The following FBN2 variants were observed in gnomAD, a reference collection of about 807,000 sequenced individuals.
FBN2 encodes fibrillin 2, also known as fibrillin-2.
Under a neutral mutation model 355.6 loss-of-function variants are expected in FBN2, and 105 were observed. The ratio of observed to expected loss-of-function variants is 0.30; its 90% confidence interval spans 0.25 to 0.35. The LOEUF (loss-of-function observed/expected upper bound fraction) is 0.35, where lower values mean the gene tolerates loss of function less well. Among genes scored for constraint, FBN2 ranks in the 10% least tolerant of loss-of-function variants. FBN2 has a pLI of 1.00. For synonymous variants in FBN2, 1,350 were observed against 1,301.2 expected, an observed-to-expected ratio of 1.04 and a Z score of -0.81; for missense variants, 3,280 against 3,758.7, an observed-to-expected ratio of 0.87 and a Z score of 3.33.
intron 55 of FBN2, among the ~76,000 whole-genome samples, chr5:128,282,530 T>C (rs1748991820): frequency 1.3e-5 from 2 of 152,150 alleles, no homozygotes; most frequent in Admixed American, 1.3e-4. Context: ...CTTCCAAGTT[T>C]GATTATGTAT....
chr5:128,500,999 A>G (rs530580787), intron 5 of FBN2, among the ~76,000 whole-genome samples: 3 of 152,224 alleles, frequency 2.0e-5, no homozygotes, highest in African/African-American at 4.8e-5. Context: ...CACAAAGAAC[A>G]TAAGAACAAA....
At chr5:128,355,371 C>T (rs1031859170) in intron 20 of FBN2, among the ~76,000 whole-genome samples, 3 of 152,174 alleles carry the variant, frequency 2.0e-5, no homozygotes, top group African/African-American at 7.2e-5. Flanking sequence ...ATGCATTGTT[C>T]TATTACATTT....
At chr5:128,405,546 T>C (rs1365402065) in intron 8 of FBN2, among the ~76,000 whole-genome samples, 2 of 152,230 alleles carry the variant, frequency 1.3e-5, no homozygotes, top group African/African-American at 4.8e-5. Flanking sequence ...GTTGGTCTTA[T>C]CTGAATAAAA....
In FBN2 at chr5:128,304,978, G is replaced by C; in HGVS notation, c.5779C>G (p.Gln1927Glu). The stretch of plus-strand genomic sequence containing the variant: ...TTACCCATGCACATGGTCTGGTCCT[G>C]AGAAGCCTTAAAGCCATTGTGGCAG... ...CICHNGFKAS[Q>E]DQTMCMDVDE... is the part of the protein sequence containing the mutation. Residue 1927 changes from glutamine (Q) to glutamate (E), a missense_variant, in exon 45 of 65, where the codon CAG becomes GAG. Transcript: ENST00000262464. The C allele has an allele frequency of 6.2e-7, 1 of 1,613,982 alleles. No homozygotes were observed. Among genetic ancestry groups the C allele is most frequent in the Non-Finnish European group, 8.5e-7 (1 of 1,179,976 alleles).
chr5:128,346,539 AT>A (rs1225727771), intron 23 of FBN2, among the ~76,000 whole-genome samples: 1 of 152,250 alleles, frequency 6.6e-6, no homozygotes, highest in Non-Finnish European at 1.5e-5. Context: ...GTCAATATTG[AT>A]TCTTTCAAGT....
At chr5:128,374,897 C>T (rs1752042850) in intron 14 of FBN2, 147 bp from the exon 15 acceptor site, 1 of 807,794 alleles carries the variant, frequency 1.2e-6, no homozygotes, top group African/African-American at 1.7e-5. Context: ...TAACAGGTAT[C>T]ATATACAAAT....
chr5:128,377,154 G>A (rs183693675), intron 13 of FBN2, among the ~76,000 whole-genome samples: 2 of 152,242 alleles, frequency 1.3e-5, no homozygotes, highest in Admixed American at 6.5e-5. Context: ...ATTTCAATGA[G>A]TGTTTATTTT....
In FBN2 at chr5:128,395,193, T is replaced by C. The variant is rs767882175; in HGVS notation, c.1160A>G (p.Gln387Arg). 7 of 1,614,022 alleles carry C rather than the reference T, an allele frequency of 4.3e-6. No individual in the cohort carries two copies. The Admixed American group carries it at 8.3e-5, about 19-fold the overall frequency. The change falls in exon 9 of 65, where the codon CAG becomes CGG. Residue 387 changes from glutamine to arginine, a missense_variant. Coordinates refer to ENST00000262464, the MANE Select transcript of FBN2 (RefSeq NM_001999.4). ...QELPGRMTKMQCCCEPGRCWG... is the reference protein window; with the variant it reads ...QELPGRMTKMRCCCEPGRCWG... ...GCAGCGGCCAGGCTCACAGCAGCAC[T>C]GCATTTTCGTCATTCTCCCCGGGAG...
intron 5 of FBN2, among the ~76,000 whole-genome samples, chr5:128,488,451 T>C (rs1755402230): frequency 6.6e-6 from 1 of 152,132 alleles, no homozygotes; most frequent in Non-Finnish European, 1.5e-5. Context: ...TAAGGCAAAA[T>C]GCCAGTTCTT....
intron 11 of FBN2, among the ~76,000 whole-genome samples, chr5:128,387,571 T>C (rs1752400219): frequency 6.6e-6 from 1 of 152,142 alleles, no homozygotes; most frequent in Admixed American, 6.5e-5. Context: ...TTGAGACCTT[T>C]CTAACTTTTT....
intron 64 of FBN2, among the ~76,000 whole-genome samples, chr5:128,261,441 T>C (rs898577904): frequency 3.2e-4 from 49 of 152,242 alleles, no homozygotes; most frequent in Non-Finnish European, 3.1e-4. Flanking sequence ...TTTTGAATCA[T>C]GTAAAAATAG....
chr5:128,445,923 G>A (rs1228643841), intron 7 of FBN2, among the ~76,000 whole-genome samples: 1 of 152,006 alleles, frequency 6.6e-6, no homozygotes, highest in African/African-American at 2.4e-5. Flanking sequence ...TTGCAGAAAA[G>A]TATTAGGTTT....
chr5:128,441,376 A>G (rs1486726777), intron 7 of FBN2, among the ~76,000 whole-genome samples: 1 of 152,164 alleles, frequency 6.6e-6, no homozygotes. Flanking sequence ...TGTTTGCTCA[A>G]TAGCACTGGC....
chr5:128,471,106 C>T (rs945881058), intron 5 of FBN2, among the ~76,000 whole-genome samples: 1 of 152,036 alleles, frequency 6.6e-6, no homozygotes, highest in African/African-American at 2.4e-5. Context: ...ATAAAGTGAT[C>T]ATCTTGTATG....
At chr5:128,500,099 C>T (rs749791639) in intron 5 of FBN2, among the ~76,000 whole-genome samples, 23 of 152,118 alleles carry the variant, frequency 1.5e-4, no homozygotes, top group Admixed American at 3.3e-4. Flanking sequence ...GGAAGCCCCT[C>T]CTCCTGGCTT....
chr5:128,318,350 A>G (rs1750269224), intron 35 of FBN2, 79 bp from the exon 36 acceptor site: 2 of 1,475,852 alleles, frequency 1.4e-6, no homozygotes, highest in African/African-American at 2.8e-5. Context: ...AATTTGGTGG[A>G]ATTTTTGCAA....
rs370250073 is a variant in FBN2 at position 128,263,572 on chromosome 5, G to A, written c.8045C>T (p.Ser2682Leu). 9.3e-6 allele frequency: 15 copies of A among 1,613,986 alleles called. No homozygotes were observed. The highest frequency in any genetic ancestry group is 1.3e-5 in the African/African-American group (1 of 74,908). ...GGAGAACTGGTCGAAGGAGAACCCCGAGGGGCAGGCGCACTTGTAACTCCC... is the reference window on the plus strand; with the variant it reads ...GGAGAACTGGTCGAAGGAGAACCCCAAGGGGCAGGCGCACTTGTAACTCCC... Reference protein sequence around the residue: ...TLGSYKCACPSGFSFDQFSSA... With the variant: ...TLGSYKCACPLGFSFDQFSSA... Residue 2682 changes from serine (S) to leucine (L), a missense_variant, in exon 63 of 65, where the codon TCG becomes TTG. Ser to Leu is a moderately radical substitution (Grantham distance 145). Around this residue, in one of 6 missense-constraint regions of FBN2, gnomAD observed 311 missense variants for 319.1 expected, o/e 0.97. Transcript: ENST00000262464.
intron 25 of FBN2, among the ~76,000 whole-genome samples, chr5:128,343,725 A>G (rs1751091067): frequency 6.6e-6 from 1 of 152,250 alleles, no homozygotes; most frequent in Admixed American, 6.5e-5. Context: ...CTTCTATATC[A>G]CAAACCTTAA....
chr5:128,299,208 G>A lies in FBN2; in HGVS notation c.6166+1609C>T, dbSNP rs552885096. ...TGCCCGTTCTCAGATCTCCAGCTGC[G>A]TGCTGGGAGAACCACTGCTCTCTTC... On this transcript the variant is annotated intron_variant, in intron 48 of 64. Transcript: ENST00000262464. 1.2e-3 allele frequency among the ~76,000 whole-genome samples: 178 copies of A among 151,486 alleles called. 2 individuals are homozygous for A. Among genetic ancestry groups the A allele is most frequent in the African/African-American group, 3.5e-3 (143 of 41,248 alleles).
Sources: gnomAD v4.1 joint callset for allele counts (sites outside exome capture counted in the v4.1 genomes callset) on GRCh38, gnomAD v4.1.1 for gene constraint, gnomAD v4.1.1 regional missense constraint, MANE v1.5 for transcripts, NCBI Gene and HGNC (gene_info 2026-07-23, HGNC 2026-07-21) for gene names.